COL22A1: variants seen among roughly 807,000 people sequenced by gnomAD.
COL22A1 encodes collagen type XXII alpha 1 chain.
COL22A1 carries 221 observed loss-of-function variants against 248.9 expected under a neutral mutation model. The observed-to-expected ratio is 0.89, with a 90% CI of 0.80 to 0.99. COL22A1 has a LOEUF of 0.99. Among genes scored for constraint, COL22A1 ranks in the 50% least tolerant of loss-of-function variants. The probability of loss-of-function intolerance (pLI) is 0.00; values close to 1 mark genes in which losing one functional copy is unlikely to be tolerated. For missense variants in COL22A1, 2,240 were observed against 2,179.0 expected (o/e 1.03, Z -0.56); for synonymous variants, 891 against 793.4 (o/e 1.12, Z -2.07).
chr8:138,876,452 G>T (rs1823724037), intron 3 of COL22A1, among the ~76,000 whole-genome samples: 1 of 152,188 alleles, frequency 6.6e-6, no homozygotes, highest in African/African-American at 2.4e-5. Context: ...CCCTGAGAAT[G>T]GTTGCTGTGT....
intron 1 of COL22A1, among the ~76,000 whole-genome samples, chr8:138,899,166 C>A (rs182063508): frequency 2.0e-5 from 3 of 152,230 alleles, no homozygotes; most frequent in African/African-American, 7.2e-5. Flanking sequence ...CCTTTTTCTA[C>A]CCTCCCTGTT....
At chr8:138,764,530 T>C (rs1166916010) in intron 16 of COL22A1, among the ~76,000 whole-genome samples, 1 of 152,250 alleles carries the variant, frequency 6.6e-6, no homozygotes, top group African/African-American at 2.4e-5. Context: ...CTCTCTGGGC[T>C]CTGCAGTTTG....
chr8:138,778,233 G>T, intron 15 of COL22A1, 120 bp downstream of exon 15: 1 of 1,020,856 alleles, frequency 9.8e-7, no homozygotes, highest in Non-Finnish European at 1.5e-6. Flanking sequence ...ACACTTCATT[G>T]GCATCAGTAA....
chr8:138,711,945 C>A (rs1409476175), intron 30 of COL22A1, among the ~76,000 whole-genome samples: 1 of 152,198 alleles, frequency 6.6e-6, no homozygotes, highest in African/African-American at 2.4e-5. Flanking sequence ...AACCTCTATT[C>A]ATGCAGCTCT....
At chr8:138,775,602 T>G (rs1052168227) in intron 16 of COL22A1, among the ~76,000 whole-genome samples, 2 of 152,142 alleles carry the variant, frequency 1.3e-5, no homozygotes, top group African/African-American at 4.8e-5. Context: ...TTATGTAACT[T>G]GCCAAGTAAG....
chr8:138,814,910 G>T (rs1818551882), intron 7 of COL22A1, among the ~76,000 whole-genome samples: 2 of 152,164 alleles, frequency 1.3e-5, no homozygotes, highest in African/African-American at 4.8e-5. Context: ...GATATGGTTT[G>T]GCTGTGTCCC....
intron 62 of COL22A1, 52 bp from the exon 63 acceptor site, chr8:138,594,251 G>A (rs780546094): frequency 1.1e-5 from 16 of 1,486,810 alleles, no homozygotes; most frequent in Middle Eastern, 1.8e-4. Flanking sequence ...AGTGGACATA[G>A]GACAGGATGG....
intron 46 of COL22A1, among the ~76,000 whole-genome samples, chr8:138,648,825 C>T (rs1442747130): frequency 6.6e-6 from 1 of 152,114 alleles, no homozygotes; most frequent in Non-Finnish European, 1.5e-5. Context: ...CTAAGATGAA[C>T]GTATGTGACA....
chr8:138,758,371 C>T (rs1051588538), intron 18 of COL22A1, among the ~76,000 whole-genome samples: 1 of 152,178 alleles, frequency 6.6e-6, no homozygotes, highest in Non-Finnish European at 1.5e-5. Context: ...ATGATTGTTT[C>T]CAACTACTAA....
At chr8:138,613,793 GAACT>G in intron 56 of COL22A1, 70 bp downstream of exon 56, 1 of 1,284,888 alleles carries the variant, frequency 7.8e-7, no homozygotes, top group Non-Finnish European at 1.1e-6. Context: ...GCACCAGAGG[GAACT>G]AACTAAATAT....
intron 10 of COL22A1, 23 bp downstream of exon 10, chr8:138,807,745 A>T (rs1446086034): frequency 6.2e-7 from 1 of 1,611,768 alleles, no homozygotes; most frequent in South Asian, 1.1e-5. Flanking sequence ...TCTAAACTAC[A>T]CCTCTGCCAT....
At chr8:138,871,774 C>A (rs897405549) in intron 3 of COL22A1, among the ~76,000 whole-genome samples, 5 of 152,288 alleles carry the variant, frequency 3.3e-5, no homozygotes, top group Middle Eastern at 6.8e-3. Context: ...TTTATGTAGT[C>A]CATTCCCAAC....
chr8:138,653,979 A>T (rs1162664588), intron 45 of COL22A1, among the ~76,000 whole-genome samples: 1 of 152,214 alleles, frequency 6.6e-6, no homozygotes, highest in African/African-American at 2.4e-5. Flanking sequence ...AGGCGCTTGC[A>T]TTCCTTCTGG....
chr8:138,879,837 T>TAAAC (rs1554652891), intron 2 of COL22A1, among the ~76,000 whole-genome samples: 1 of 149,928 alleles, frequency 6.7e-6, no homozygotes, highest in Non-Finnish European at 1.5e-5. Flanking sequence ...CATTTGGCTA[T>TAAAC]AAAACAAAAC....
chr8:138,699,229 A>G (rs1827762888), intron 32 of COL22A1, among the ~76,000 whole-genome samples: 1 of 152,190 alleles, frequency 6.6e-6, no homozygotes, highest in South Asian at 2.1e-4. Flanking sequence ...CTTCCCAAGC[A>G]CAAAATCCTT....
At position 138,762,399 on chromosome 8, in the gene COL22A1, C is replaced by T; in HGVS notation, c.1857+14G>A. The T allele has an allele frequency of 6.2e-7, 1 of 1,613,874 alleles. No homozygotes were observed. Among genetic ancestry groups the T allele is most frequent in the Non-Finnish European group, 8.5e-7 (1 of 1,179,850 alleles). On this transcript the variant is annotated intron_variant, in intron 17 of 64. Coordinates refer to ENST00000303045, the MANE Select transcript of COL22A1 (RefSeq NM_152888.3). Reference sequence around the variant, plus strand: ...CTGATGAAACCTAGCCCAACAGCGCCAGCACCCACCTACCTGCTGTCCTGT... The same window carrying T: ...CTGATGAAACCTAGCCCAACAGCGCTAGCACCCACCTACCTGCTGTCCTGT...
intron 16 of COL22A1, among the ~76,000 whole-genome samples, chr8:138,767,401 C>T (rs754960691): frequency 1.1e-4 from 16 of 152,134 alleles, no homozygotes; most frequent in Non-Finnish European, 2.2e-4. Flanking sequence ...GGATTCTAAT[C>T]CTGACTCTGT....
chr8:138,812,824 G>A, intron 8 of COL22A1, 115 bp downstream of exon 8: 1 of 804,966 alleles, frequency 1.2e-6, no homozygotes, highest in Non-Finnish European at 2.2e-6. Context: ...GCCATATTCT[G>A]ATGGTGGATG....
At chr8:138,619,353 A>AC in intron 53 of COL22A1, 102 bp downstream of exon 53, 1 of 981,014 alleles carries the variant, frequency 1.0e-6, no homozygotes, top group East Asian at 2.4e-5. Context: ...GACTTCTAGG[A>AC]CCCCACGGTT....
Sources: gnomAD v4.1 joint callset for allele counts (sites outside exome capture counted in the v4.1 genomes callset) on GRCh38, gnomAD v4.1.1 for gene constraint, MANE v1.5 for transcripts, NCBI Gene and HGNC (gene_info 2026-07-23, HGNC 2026-07-21) for gene names.